Variants in SOX5 observed in about 807,000 individuals in gnomAD.
SOX5 encodes SRY-box transcription factor 5, also known as transcription factor SOX-5.
SOX5 carries 9 observed loss-of-function variants against 92.0 expected under a neutral mutation model. The observed-to-expected ratio is 0.10, with a 90% CI of 0.06 to 0.17. The LOEUF is 0.17. Among genes scored for constraint, SOX5 ranks in the 10% least tolerant of loss-of-function variants. The pLI, the probability that SOX5 is intolerant of heterozygous loss-of-function variation, is 1.00. For missense variants in SOX5, 642 were observed against 944.5 expected (o/e 0.68, Z 4.20); for synonymous variants, 344 against 336.3 (o/e 1.02, Z -0.25).
At chr12:23,757,130 T>C (rs1439337733) in intron 3 of SOX5, among the ~76,000 whole-genome samples, 1 of 151,926 alleles carries the variant, frequency 6.6e-6, no homozygotes, top group Non-Finnish European at 1.5e-5. Flanking sequence ...TCTATATGTA[T>C]ACATATATAC....
At chr12:24,516,150 C>T (rs1321609872) in intron 1 of SOX5, among the ~76,000 whole-genome samples, 34 of 151,760 alleles carry the variant, frequency 2.2e-4, no homozygotes, top group African/African-American at 8.2e-4. Context: ...TAAAGCGATC[C>T]TCCCACCTCA....
chr12:24,315,974 G>A (rs1212027828), intron 2 of SOX5, among the ~76,000 whole-genome samples: 6 of 152,180 alleles, frequency 3.9e-5, no homozygotes, highest in Non-Finnish European at 7.3e-5. Flanking sequence ...CTTCAGCCAC[G>A]GGCTTCTCTT....
chr12:24,351,870 G>C lies in SOX5; in HGVS notation c.-174+16693C>G, dbSNP rs141802719. Among the ~76,000 whole-genome samples the C allele has an allele frequency of 2.0e-5, 3 of 152,282 alleles. No individual in the cohort carries two copies. The East Asian group carries it at 5.8e-4, about 29-fold the overall frequency. ...AGTGGCAATTAAATTAACTATCTTT[G>C]ATTTCTCACCTGTTACCATGGTTAT... On this transcript the variant is annotated intron_variant, in intron 2 of 4. Transcript: ENST00000446891.
intron 1 of SOX5, among the ~76,000 whole-genome samples, chr12:24,446,649 G>A (rs1379595436): frequency 2.0e-5 from 3 of 152,174 alleles, no homozygotes; most frequent in Non-Finnish European, 4.4e-5. Flanking sequence ...GTGCAAGTGG[G>A]GGTGATTAGA....
In SOX5 at chr12:23,818,209, T is replaced by A. The variant is rs536882993; in HGVS notation, c.481+27774A>T. ...AGGTGATGTTGTCATTATGTGAACATCCTAGAGGATCCTTTCACAGACCCA... is the reference window on the plus strand; with the variant it reads ...AGGTGATGTTGTCATTATGTGAACAACCTAGAGGATCCTTTCACAGACCCA... On this transcript the variant is annotated intron_variant, in intron 3 of 14. Coordinates refer to ENST00000451604, the MANE Select transcript of SOX5 (RefSeq NM_006940.6). Among the ~76,000 whole-genome samples, 67 of 152,284 alleles carry A rather than the reference T, an allele frequency of 4.4e-4. 1 individual carries two copies. In the South Asian group the frequency reaches 0.014, roughly 31 times the overall value.
At chr12:24,262,600 C>T (rs1942310471) in intron 3 of SOX5, among the ~76,000 whole-genome samples, 1 of 152,158 alleles carries the variant, frequency 6.6e-6, no homozygotes, top group South Asian at 2.1e-4. Context: ...ACTGGCATTC[C>T]TAATATGGAC....
chr12:24,209,024 G>A (rs577093865), intron 4 of SOX5, among the ~76,000 whole-genome samples: 1 of 152,182 alleles, frequency 6.6e-6, no homozygotes, highest in Non-Finnish European at 1.5e-5. Context: ...TAAGGCTTTA[G>A]GGAAATTTGT....
At position 23,773,677 on chromosome 12, in the gene SOX5, G is replaced by A. The variant is rs184921201; in HGVS notation, c.482-17953C>T. ...GTGAGCCACTGTGCCTGGCCTACCA[G>A]GGCATTTTTTAAGTTAAAACTTGTC... is the stretch of plus-strand genomic sequence containing the variant. On this transcript the variant is annotated intron_variant, in intron 3 of 14. Coordinates refer to ENST00000451604, the MANE Select transcript of SOX5 (RefSeq NM_006940.6). Among the ~76,000 whole-genome samples, 30 of 152,028 alleles carry A rather than the reference G, an allele frequency of 2.0e-4. No homozygotes were observed. In the East Asian group the frequency reaches 5.4e-3, roughly 27 times the overall value.
intron 1 of SOX5, among the ~76,000 whole-genome samples, chr12:24,376,362 T>C (rs897025165): frequency 1.3e-5 from 2 of 152,176 alleles, no homozygotes; most frequent in South Asian, 2.1e-4. Flanking sequence ...GGTATTACGT[T>C]AATCACATGA....
At chr12:24,053,179 C>CT in intron 4 of SOX5, among the ~76,000 whole-genome samples, 1 of 100,902 alleles carries the variant, frequency 9.9e-6, no homozygotes, top group African/African-American at 3.2e-5. Flanking sequence ...CTACTGCACG[C>CT]CCCCCCCCTT....
intron 2 of SOX5, among the ~76,000 whole-genome samples, chr12:24,330,624 G>A (rs747562746): frequency 6.6e-6 from 1 of 152,200 alleles, no homozygotes; most frequent in African/African-American, 2.4e-5. Context: ...CCACTTAAAC[G>A]AAAGTTTCAT....
At chr12:24,089,201 T>C (rs1010079684) in intron 4 of SOX5, among the ~76,000 whole-genome samples, 4 of 152,168 alleles carry the variant, frequency 2.6e-5, no homozygotes, top group African/African-American at 9.6e-5. Flanking sequence ...TTCCTTATTT[T>C]AGTCCTTGCT....
chr12:24,114,025 T>C (rs1947685472), intron 4 of SOX5, among the ~76,000 whole-genome samples: 1 of 152,202 alleles, frequency 6.6e-6, no homozygotes. Flanking sequence ...GACCTCTCTA[T>C]TTTGAAGGAC....
chr12:23,578,358 A>G (rs970727323), intron 9 of SOX5, among the ~76,000 whole-genome samples: 2 of 150,968 alleles, frequency 1.3e-5, no homozygotes, highest in Non-Finnish European at 2.9e-5. Context: ...CAAATTCTCT[A>G]TCATAGAAAC....
At chr12:23,982,489 C>CT (rs1211376622) in intron 4 of SOX5, among the ~76,000 whole-genome samples, 3 of 152,074 alleles carry the variant, frequency 2.0e-5, no homozygotes, top group Admixed American at 6.6e-5. Context: ...AAAAAATGTT[C>CT]TGCTGGGATA....
At chr12:23,776,533 A>G (rs961074831) in intron 3 of SOX5, among the ~76,000 whole-genome samples, 2 of 152,212 alleles carry the variant, frequency 1.3e-5, no homozygotes, top group Admixed American at 6.5e-5. Flanking sequence ...AGACCATGCC[A>G]TTGACAAGGA....
At chr12:24,200,799 C>T (rs1402817896) in intron 4 of SOX5, among the ~76,000 whole-genome samples, 4 of 152,188 alleles carry the variant, frequency 2.6e-5, no homozygotes, top group Non-Finnish European at 4.4e-5. Flanking sequence ...TTTCCTTCCA[C>T]ACAGGTAAGA....
intron 2 of SOX5, among the ~76,000 whole-genome samples, chr12:24,344,552 C>A (rs368608192): frequency 4.6e-5 from 7 of 152,062 alleles, no homozygotes; most frequent in African/African-American, 1.7e-4. Flanking sequence ...GCCACAGAGA[C>A]CAGCCTCTGT....
chr12:23,678,619 C>T lies in SOX5; in HGVS notation c.811-13055G>A, dbSNP rs557231035. Among the ~76,000 whole-genome samples, 48 of 152,218 alleles carry T rather than the reference C, an allele frequency of 3.2e-4. No homozygotes were observed. The South Asian group carries it at 3.7e-3, about 12-fold the overall frequency. On this transcript the variant is annotated intron_variant, in intron 6 of 14. Coordinates refer to ENST00000451604, the MANE Select transcript of SOX5 (RefSeq NM_006940.6). Reference sequence around the variant, plus strand: ...TAATGTTAATACCTATTCTGTTTCCCTCAGCTTCTTTTATAATGCATTTTT... The same window carrying T: ...TAATGTTAATACCTATTCTGTTTCCTTCAGCTTCTTTTATAATGCATTTTT...
Sources: gnomAD v4.1 joint callset for allele counts (sites outside exome capture counted in the v4.1 genomes callset) on GRCh38, gnomAD v4.1.1 for gene constraint, MANE v1.5 for transcripts, NCBI Gene and HGNC (gene_info 2026-07-23, HGNC 2026-07-21) for gene names.